SEPTIN10: variants seen among roughly 807,000 people sequenced by gnomAD.
SEPTIN10 encodes septin 10.
In SEPTIN10, 66 loss-of-function variants were observed where a neutral mutation model predicts 54.8. The ratio of observed to expected loss-of-function variants is 1.21; its 90% CI spans 0.99 to 1.48. The LOEUF (loss-of-function observed/expected upper bound fraction) is 1.48. Among genes scored for constraint, SEPTIN10 ranks in the 40% most tolerant of loss-of-function variants. SEPTIN10 has a pLI of 0.00. For synonymous variants in SEPTIN10, 161 were observed against 181.0 expected, an observed-to-expected ratio of 0.89 and a Z score of 0.89; for missense variants, 620 against 545.6, an observed-to-expected ratio of 1.14 and a Z score of -1.36.
intron 5 of SEPTIN10, 132 bp downstream of exon 5, chr2:109,574,443 TAAAAAA>T (rs55980206): frequency 2.6e-4 from 70 of 271,338 alleles, no homozygotes; most frequent in African/African-American, 7.3e-4. Flanking sequence ...ACTTTATCTC[TAAAAAA>T]AAAAAAAAAA....
intron 7 of SEPTIN10, 40 bp from the exon 8 acceptor site, chr2:109,564,574 T>G (rs1352261016): frequency 6.9e-7 from 1 of 1,443,734 alleles, no homozygotes; most frequent in Non-Finnish European, 9.2e-7. Context: ...CACTGGATTT[T>G]AATTCCTGGC....
chr2:109,591,743 C>A (rs1426469787), intron 2 of SEPTIN10, among the ~76,000 whole-genome samples: 3 of 151,776 alleles, frequency 2.0e-5, no homozygotes, highest in Non-Finnish European at 4.4e-5. Context: ...AGTAACAATA[C>A]AAAAATTGGC....
chr2:109,555,011 C>A (rs905972094), intron 8 of SEPTIN10, among the ~76,000 whole-genome samples: 7 of 152,128 alleles, frequency 4.6e-5, no homozygotes, highest in African/African-American at 1.7e-4. Flanking sequence ...TCTACAGATA[C>A]CAGATTACAG....
At chr2:109,556,127 G>C (rs575937292) in intron 8 of SEPTIN10, among the ~76,000 whole-genome samples, 1 of 152,286 alleles carries the variant, frequency 6.6e-6, no homozygotes, top group South Asian at 2.1e-4. Flanking sequence ...GATTTAACCA[G>C]CATAACCAGC....
At chr2:109,565,212 A>T (rs1228725115) in intron 7 of SEPTIN10, among the ~76,000 whole-genome samples, 5 of 152,152 alleles carry the variant, frequency 3.3e-5, no homozygotes, top group African/African-American at 1.2e-4. Flanking sequence ...TTTATCAATT[A>T]AGAAAAAAAA....
At chr2:109,613,538 G>A (rs944025666) in intron 1 of SEPTIN10, 3 of 245,236 alleles carry the variant, frequency 1.2e-5, no homozygotes, top group Non-Finnish European at 2.3e-5. Flanking sequence ...CCGGGAAGTC[G>A]TTCAAGAACT....
chr2:109,584,279 C>T (rs1691916228), intron 4 of SEPTIN10, among the ~76,000 whole-genome samples: 2 of 129,920 alleles, frequency 1.5e-5, no homozygotes, highest in African/African-American at 5.8e-5. Flanking sequence ...GAGGTCGAGA[C>T]CAGCCTGGCC....
rs140853964 is a variant in SEPTIN10, at chr2:109,542,937, G to C, written c.*1372C>G. 5.9e-5 allele frequency: 9 copies of C among 152,540 alleles called. No homozygotes were observed. The East Asian group carries it at 1.7e-3, about 29-fold the overall frequency. The allele number at this position is 152,540 out of a possible 1,614,324, so 9.4% of individuals were successfully genotyped here. On this transcript the variant is annotated 3_prime_UTR_variant, in exon 11 of 11. Coordinates refer to ENST00000397712, the MANE Select transcript of SEPTIN10 (RefSeq NM_144710.5). The stretch of plus-strand genomic sequence containing the variant: ...AAATAATTCAAATACATAATTAAAT[G>C]AACGTTTTTAAAATGAGAGTTTTCA...
At chr2:109,558,506 C>T (rs1684896854) in intron 8 of SEPTIN10, among the ~76,000 whole-genome samples, 1 of 152,098 alleles carries the variant, frequency 6.6e-6, no homozygotes, top group Non-Finnish European at 1.5e-5. Context: ...AATTATTAAA[C>T]TTGGGGATTT....
rs192189263 is a variant in SEPTIN10 at position 109,556,787 on chromosome 2, C to T, written c.1029-3568G>A. ...GCTTGATGTAAAAATATCTTGAATT[C>T]AGACTGGATTAAGAAAATGTGGCAC... is the stretch of plus-strand genomic sequence containing the variant. On this transcript the variant is annotated intron_variant, in intron 8 of 10. Coordinates refer to ENST00000397712, the MANE Select transcript of SEPTIN10 (RefSeq NM_144710.5). Among the ~76,000 whole-genome samples the T allele has an allele frequency of 2.6e-3, 388 of 152,146 alleles. 2 individuals carry two copies. Among genetic ancestry groups the T allele is most frequent in the Non-Finnish European group, 4.5e-3 (303 of 68,008 alleles).
intron 9 of SEPTIN10, among the ~76,000 whole-genome samples, chr2:109,551,029 T>G (rs997961256): frequency 6.6e-6 from 1 of 152,114 alleles, no homozygotes; most frequent in African/African-American, 2.4e-5. Context: ...TTTCTTAAAG[T>G]GGGGAGGGTA....
chr2:109,563,139 A>T (rs922408265), intron 8 of SEPTIN10, among the ~76,000 whole-genome samples: 2 of 151,956 alleles, frequency 1.3e-5, no homozygotes, highest in African/African-American at 4.8e-5. Flanking sequence ...TTGAACTCCT[A>T]ACCTCAAGTG....
chr2:109,549,852 T>G (rs1682420672), intron 9 of SEPTIN10, among the ~76,000 whole-genome samples: 1 of 152,222 alleles, frequency 6.6e-6, no homozygotes, highest in African/African-American at 2.4e-5. Flanking sequence ...TGTGTGAATG[T>G]GGTCTCTTTC....
At chr2:109,560,887 A>T (rs1365629540) in intron 8 of SEPTIN10, among the ~76,000 whole-genome samples, 1 of 152,080 alleles carries the variant, frequency 6.6e-6, no homozygotes, top group Non-Finnish European at 1.5e-5. Flanking sequence ...TTTACCTTCT[A>T]GTCATCTCTC....
chr2:109,599,084 A>G (rs967206947), intron 1 of SEPTIN10, among the ~76,000 whole-genome samples: 5 of 152,144 alleles, frequency 3.3e-5, no homozygotes, highest in Admixed American at 3.3e-4. Context: ...TTCTTAAAAC[A>G]AGTAGTAACA....
chr2:109,557,073 T>C (rs1029441544), intron 8 of SEPTIN10, among the ~76,000 whole-genome samples: 1 of 151,806 alleles, frequency 6.6e-6, no homozygotes, highest in African/African-American at 2.4e-5. Flanking sequence ...CTAATGTAAA[T>C]GATGAGTTAA....
At chr2:109,600,835 C>G (rs1483980463) in intron 1 of SEPTIN10, among the ~76,000 whole-genome samples, 1 of 152,240 alleles carries the variant, frequency 6.6e-6, no homozygotes, top group African/African-American at 2.4e-5. Context: ...TCAGGGTCCC[C>G]ACAACCCCCA....
intron 1 of SEPTIN10, among the ~76,000 whole-genome samples, chr2:109,602,778 G>C (rs144303385): frequency 6.6e-6 from 1 of 151,532 alleles, no homozygotes; most frequent in African/African-American, 2.4e-5. Flanking sequence ...AATGAAATTT[G>C]AGAAGTCATT....
intron 1 of SEPTIN10, chr2:109,613,446 A>G (rs1558931760): frequency 6.6e-6 from 2 of 301,642 alleles, no homozygotes; most frequent in Non-Finnish European, 1.3e-5. Flanking sequence ...CCGCTATTCA[A>G]TCAGTCCGCA....
Sources: allele counts gnomAD v4.1 joint callset (sites outside exome capture counted in the v4.1 genomes callset), GRCh38; gene constraint gnomAD v4.1.1; transcripts MANE v1.5; gene names NCBI Gene and HGNC (gene_info 2026-07-23, HGNC 2026-07-21).